Variants in IMMP2L observed in about 807,000 individuals in gnomAD.
IMMP2L encodes the protein inner mitochondrial membrane peptidase subunit 2.
IMMP2L carries 18 observed loss-of-function variants against 19.3 expected under a neutral mutation model. That is an observed-to-expected ratio of 0.93 (90% CI 0.64 to 1.38). The LOEUF (loss-of-function observed/expected upper bound fraction) is 1.38. Ranked by LOEUF, IMMP2L falls within the 40% of genes most tolerant of loss-of-function variation. The pLI is 0.00. For synonymous variants in IMMP2L, 76 were observed against 73.0 expected (o/e 1.04, Z -0.21); for missense variants, 233 against 218.2 (o/e 1.07, Z -0.43).
At chr7:111,414,384 C>G (rs1563162436) in intron 3 of IMMP2L, among the ~76,000 whole-genome samples, 1 of 151,846 alleles carries the variant, frequency 6.6e-6, no homozygotes, top group African/African-American at 2.4e-5. Context: ...ATGAAAGAGT[C>G]TTAGCCAGCA....
At chr7:111,442,601 G>A (rs974935614) in intron 3 of IMMP2L, among the ~76,000 whole-genome samples, 13 of 151,736 alleles carry the variant, frequency 8.6e-5, no homozygotes, top group African/African-American at 2.7e-4. Flanking sequence ...CTGTGCTAAT[G>A]AGAAGGCCGA....
rs1241668051 is a variant in IMMP2L, at chr7:111,547,176, T to C, written c.-3+14675A>G. Among the ~76,000 whole-genome samples, 5 of 152,134 alleles carry C rather than the reference T, an allele frequency of 3.3e-5. No individual in the cohort carries two copies. The East Asian group carries it at 9.7e-4, about 29-fold the overall frequency. ...TTAACCAGCACTTCAGTGAACAGAG[T>C]TGAAACTGATTCAAATATCAAATAT... is the stretch of plus-strand genomic sequence containing the variant. On this transcript the variant is annotated intron_variant, in intron 1 of 5. Transcript: ENST00000405709.
intron 3 of IMMP2L, among the ~76,000 whole-genome samples, chr7:111,089,894 GC>G (rs1314310274): frequency 2.0e-5 from 3 of 151,570 alleles, no homozygotes; most frequent in Admixed American, 1.3e-4. Flanking sequence ...TATAATAACT[GC>G]AAACTATTGT....
At chr7:111,127,944 T>G (rs1801479505) in intron 3 of IMMP2L, among the ~76,000 whole-genome samples, 1 of 152,162 alleles carries the variant, frequency 6.6e-6, no homozygotes. Flanking sequence ...AATATGTATT[T>G]TATAATGTAT....
intron 3 of IMMP2L, among the ~76,000 whole-genome samples, chr7:111,055,681 T>A (rs1793442851): frequency 6.6e-6 from 1 of 152,176 alleles, no homozygotes; most frequent in African/African-American, 2.4e-5. Flanking sequence ...TGGTCAAGAA[T>A]ATATAATGAC....
At chr7:111,445,579 A>G (rs900910115) in intron 3 of IMMP2L, among the ~76,000 whole-genome samples, 20 of 152,202 alleles carry the variant, frequency 1.3e-4, no homozygotes, top group Non-Finnish European at 2.6e-4. Flanking sequence ...ACGTTCTCTA[A>G]GACATGGGCA....
chr7:110,739,168 G>A (rs1370039513), intron 5 of IMMP2L, among the ~76,000 whole-genome samples: 1 of 151,970 alleles, frequency 6.6e-6, no homozygotes, highest in Non-Finnish European at 1.5e-5. Flanking sequence ...ATATCAAGGT[G>A]TTCAGGCAAC....
intron 3 of IMMP2L, among the ~76,000 whole-genome samples, chr7:111,283,776 C>T (rs1820168036): frequency 6.6e-6 from 1 of 151,504 alleles, no homozygotes; most frequent in African/African-American, 2.4e-5. Context: ...TCGAGACCAT[C>T]CCGGCTAAAA....
chr7:110,991,460 G>A (rs866746000), intron 3 of IMMP2L, among the ~76,000 whole-genome samples: 5 of 151,968 alleles, frequency 3.3e-5, no homozygotes, highest in East Asian at 3.9e-4. Flanking sequence ...GGAGCAAAAC[G>A]CCATCATTTT....
chr7:111,127,748 T>C (rs1031698900), intron 3 of IMMP2L, among the ~76,000 whole-genome samples: 3 of 152,168 alleles, frequency 2.0e-5, no homozygotes, highest in African/African-American at 7.2e-5. Context: ...AATAAAACGC[T>C]AAAGTTTATA....
chr7:110,833,734 CT>C (rs1322687116), intron 5 of IMMP2L, among the ~76,000 whole-genome samples: 1 of 152,154 alleles, frequency 6.6e-6, no homozygotes, highest in Non-Finnish European at 1.5e-5. Flanking sequence ...TAAATTTCCC[CT>C]GTATTTCAAT....
At chr7:111,257,242 G>A (rs550345867) in intron 3 of IMMP2L, among the ~76,000 whole-genome samples, 19 of 152,084 alleles carry the variant, frequency 1.2e-4, no homozygotes, top group African/African-American at 4.6e-4. Flanking sequence ...TGAATAATAT[G>A]AAATAGTCCA....
intron 3 of IMMP2L, among the ~76,000 whole-genome samples, chr7:111,445,333 G>C (rs923081891): frequency 2.6e-5 from 4 of 151,830 alleles, no homozygotes; most frequent in Non-Finnish European, 4.4e-5. Flanking sequence ...CCCCAAGTCA[G>C]AAAACATCTT....
At chr7:110,829,207 C>A (rs1584956338) in intron 5 of IMMP2L, among the ~76,000 whole-genome samples, 1 of 152,048 alleles carries the variant, frequency 6.6e-6, no homozygotes, top group Admixed American at 6.6e-5. Flanking sequence ...TGGGGAGGTG[C>A]TAAAGCTAAA....
chr7:111,327,622 A>G (rs1359810296), intron 3 of IMMP2L, among the ~76,000 whole-genome samples: 1 of 151,692 alleles, frequency 6.6e-6, no homozygotes, highest in African/African-American at 2.4e-5. Context: ...TCAGCTCACA[A>G]ATGTGCTATT....
chr7:110,987,136 G>T (rs1821946469), intron 3 of IMMP2L, among the ~76,000 whole-genome samples: 1 of 152,066 alleles, frequency 6.6e-6, no homozygotes, highest in African/African-American at 2.4e-5. Context: ...ATAGTATATG[G>T]ACAGGTACTA....
chr7:111,435,621 A>G (rs1292404007), intron 3 of IMMP2L, among the ~76,000 whole-genome samples: 1 of 151,894 alleles, frequency 6.6e-6, no homozygotes, highest in Non-Finnish European at 1.5e-5. Context: ...CCAAGACTAC[A>G]CCACTATGTA....
intron 1 of IMMP2L, among the ~76,000 whole-genome samples, chr7:111,545,193 A>C (rs1011169082): frequency 6.6e-6 from 1 of 152,116 alleles, no homozygotes; most frequent in Admixed American, 6.6e-5. Context: ...CTGCCCATAG[A>C]TGCTTCCAAA....
intron 3 of IMMP2L, among the ~76,000 whole-genome samples, chr7:111,309,116 A>T (rs552148118): frequency 1.3e-5 from 2 of 152,268 alleles, no homozygotes; most frequent in African/African-American, 4.8e-5. Context: ...AATTGTCATA[A>T]TTTGGGATCA....
Sources: allele counts gnomAD v4.1 joint callset (sites outside exome capture counted in the v4.1 genomes callset), GRCh38; gene constraint gnomAD v4.1.1; transcripts MANE v1.5; gene names NCBI Gene and HGNC (gene_info 2026-07-23, HGNC 2026-07-21).